The following PMFBP1 variants were observed in gnomAD, a reference collection of about 807,000 sequenced individuals.
The protein encoded by PMFBP1 is polyamine-modulated factor 1-binding protein 1.
In PMFBP1, 131 loss-of-function variants were observed where a neutral mutation model predicts 137.8. The ratio of observed to expected loss-of-function variants is 0.95; its 90% CI spans 0.82 to 1.10. The LOEUF is 1.10. Among genes scored for constraint, PMFBP1 ranks in the 50% least tolerant of loss-of-function variants. The pLI, the probability that PMFBP1 is intolerant of heterozygous loss-of-function variation, is 0.00. For missense variants in PMFBP1, 1,199 were observed against 1,175.4 expected (o/e 1.02, Z -0.29); for synonymous variants, 490 against 450.4 (o/e 1.09, Z -1.11).
At chr16:72,158,747 A>T (rs1441474816) in intron 3 of PMFBP1, among the ~76,000 whole-genome samples, 3 of 152,172 alleles carry the variant, frequency 2.0e-5, no homozygotes, top group Non-Finnish European at 4.4e-5. Context: ...TAATCCCAGC[A>T]CTTTGGGAGG....
At chr16:72,162,005 C>G (rs1314870265) in intron 3 of PMFBP1, among the ~76,000 whole-genome samples, 1 of 152,216 alleles carries the variant, frequency 6.6e-6, no homozygotes, top group African/African-American at 2.4e-5. Flanking sequence ...AATCTGAGCT[C>G]TACTGAATAT....
At chr16:72,186,385 C>A in the PMFBP1 span, among the ~76,000 whole-genome samples, 1 of 152,208 alleles carries the variant, frequency 6.6e-6, no homozygotes, top group East Asian at 1.9e-4. Flanking sequence ...TTTGATCCTA[C>A]TTTTGATTCT....
At chr16:72,135,241 A>G (rs1276913309) in intron 9 of PMFBP1, among the ~76,000 whole-genome samples, 1 of 151,848 alleles carries the variant, frequency 6.6e-6, no homozygotes, top group East Asian at 1.9e-4. Context: ...CAGTGGTGCA[A>G]TCTTGGCTCA....
intron 7 of PMFBP1, 131 bp downstream of exon 7, chr16:72,139,158 C>T: frequency 1.5e-6 from 1 of 687,582 alleles, no homozygotes. Context: ...TGTGGCAGGG[C>T]CAACCAAGCT....
At chr16:72,157,046 G>A (rs934906697) in intron 3 of PMFBP1, among the ~76,000 whole-genome samples, 14 of 150,594 alleles carry the variant, frequency 9.3e-5, no homozygotes, top group Admixed American at 4.6e-4. Flanking sequence ...AAAATTAGCC[G>A]GGTGTGGTGG....
At chr16:72,130,813 T>C (rs572943641) in intron 10 of PMFBP1, 91 bp from the exon 11 acceptor site, 2 of 1,252,992 alleles carry the variant, frequency 1.6e-6, no homozygotes, top group Admixed American at 2.6e-5. Flanking sequence ...TCCTTTCATT[T>C]TGTGCCCTAC....
chr16:72,161,390 G>A (rs943267375), intron 3 of PMFBP1, among the ~76,000 whole-genome samples: 2 of 151,950 alleles, frequency 1.3e-5, no homozygotes, highest in Non-Finnish European at 2.9e-5. Flanking sequence ...GAGCCACCGC[G>A]CCCGGCCTTA....
At chr16:72,240,144 C>T in the PMFBP1 span, among the ~76,000 whole-genome samples, 1 of 152,088 alleles carries the variant, frequency 6.6e-6, no homozygotes, top group African/African-American at 2.4e-5. Context: ...GCAAAAATAC[C>T]TAACAGGTCA....
At chr16:72,127,589 G>T (rs2042480788) in intron 14 of PMFBP1, among the ~76,000 whole-genome samples, 1 of 152,214 alleles carries the variant, frequency 6.6e-6, no homozygotes, top group Non-Finnish European at 1.5e-5. Context: ...TTGCTAACAT[G>T]AGTGGTTTAG....
At chr16:72,167,890 C>A (rs2043168131) in intron 2 of PMFBP1, among the ~76,000 whole-genome samples, 1 of 152,216 alleles carries the variant, frequency 6.6e-6, no homozygotes, top group African/African-American at 2.4e-5. Flanking sequence ...ACACTTGAGT[C>A]TCTCTAAATT....
At chr16:72,143,621 T>C (rs992734646) in intron 5 of PMFBP1, among the ~76,000 whole-genome samples, 2 of 152,110 alleles carry the variant, frequency 1.3e-5, no homozygotes, top group Non-Finnish European at 2.9e-5. Context: ...CACGTGCCTG[T>C]AGTCCCAGCT....
intron 9 of PMFBP1, among the ~76,000 whole-genome samples, chr16:72,133,237 T>C (rs902616515): frequency 6.6e-6 from 1 of 152,032 alleles, no homozygotes. Flanking sequence ...CAGGCTGGAG[T>C]GCAATAGCAT....
At chr16:72,177,174 G>A (rs890856860), upstream of PMFBP1, among the ~76,000 whole-genome samples, 2 of 152,052 alleles carry the variant, frequency 1.3e-5, no homozygotes, top group Non-Finnish European at 2.9e-5. Flanking sequence ...TCTCCCAATT[G>A]GTTGCTCTTT....
intron 2 of PMFBP1, among the ~76,000 whole-genome samples, chr16:72,167,841 C>T (rs1488524960): frequency 6.6e-6 from 1 of 152,226 alleles, no homozygotes; most frequent in Non-Finnish European, 1.5e-5. Flanking sequence ...CCATGGAGAC[C>T]AGCACACTGA....
intron 4 of PMFBP1, among the ~76,000 whole-genome samples, chr16:72,151,927 TA>T (rs1210503222): frequency 6.6e-6 from 1 of 151,992 alleles, no homozygotes; most frequent in Non-Finnish European, 1.5e-5. Context: ...GCTGGGGGGT[TA>T]ACGCCCTCAG....
rs2043217932 is a variant in PMFBP1, at chr16:72,171,324, A to T, written c.-60-56T>A. ...AAGTATAAATGAGCCTCTGCCCTTT[A>T]AAGATTTTCCCAGCTGGATCTATGC... On this transcript the variant is annotated intron_variant, in intron 1 of 20. Transcript: ENST00000237353. 3.2e-6 allele frequency: 4 copies of T among 1,248,202 alleles called. No homozygotes were observed. In the East Asian group the frequency reaches 9.3e-5, roughly 29 times the overall value. The allele number at this position is 1,248,202 out of a possible 1,614,324, so 77.3% of individuals were successfully genotyped here.
chr16:72,161,634 T>C (rs1316098634), intron 3 of PMFBP1, among the ~76,000 whole-genome samples: 1 of 152,160 alleles, frequency 6.6e-6, no homozygotes, highest in African/African-American at 2.4e-5. Context: ...TTCCCATATG[T>C]TCTTCATACA....
chr16:72,186,500 G>A, the PMFBP1 span, among the ~76,000 whole-genome samples: 5 of 152,102 alleles, frequency 3.3e-5, no homozygotes, highest in East Asian at 5.8e-4. Context: ...CTGTAGATGC[G>A]AGAATTCAGA....
chr16:72,248,142 G>T, the PMFBP1 span, among the ~76,000 whole-genome samples: 1 of 152,136 alleles, frequency 6.6e-6, no homozygotes, highest in Admixed American at 6.5e-5. Flanking sequence ...CAAAATAATG[G>T]GAGAAAGCCA....
Sources: allele counts gnomAD v4.1 joint callset (sites outside exome capture counted in the v4.1 genomes callset), GRCh38; gene constraint gnomAD v4.1.1; transcripts MANE v1.5; gene names NCBI Gene and HGNC (gene_info 2026-07-23, HGNC 2026-07-21).